RIN2: variants seen among roughly 807,000 people sequenced by gnomAD.
The protein encoded by RIN2 is RAB5 interacting protein 2.
A neutral mutation model predicts 78.0 loss-of-function variants in RIN2; 36 were observed. The ratio of observed to expected loss-of-function variants is 0.46; its 90% CI spans 0.35 to 0.61. RIN2 has a LOEUF of 0.61. Ranked by LOEUF, RIN2 falls within the 20% of genes least tolerant of loss-of-function variation. RIN2 has a pLI of 0.00. For missense variants in RIN2, 1,087 were observed against 1,159.7 expected (o/e 0.94, Z 0.91); for synonymous variants, 466 against 466.8 (o/e 1.00, Z 0.02).
At chr20:19,810,878 G>GTGT (rs1291054894) in intron 2 of RIN2, among the ~76,000 whole-genome samples, 2 of 135,412 alleles carry the variant, frequency 1.5e-5, no homozygotes, top group African/African-American at 5.3e-5. Context: ...GTGTGTGTGT[G>GTGT]TTTTTTTTTT....
At chr20:19,949,579 G>A (rs1483732578) in intron 4 of RIN2, among the ~76,000 whole-genome samples, 2 of 152,222 alleles carry the variant, frequency 1.3e-5, no homozygotes, top group African/African-American at 2.4e-5. Flanking sequence ...CAGTCAGTAA[G>A]TTTTGTCACA....
chr20:19,855,783 T>A (rs1482993633), intron 2 of RIN2, among the ~76,000 whole-genome samples: 1 of 151,966 alleles, frequency 6.6e-6, no homozygotes, highest in Non-Finnish European at 1.5e-5. Context: ...GAGACAAAAA[T>A]GAAACATCTT....
chr20:19,790,224 A>G (rs565274089), intron 1 of RIN2, among the ~76,000 whole-genome samples: 2 of 152,202 alleles, frequency 1.3e-5, no homozygotes, highest in East Asian at 3.9e-4. Flanking sequence ...AGAAACCTCA[A>G]TTTATTCAAA....
intron 2 of RIN2, among the ~76,000 whole-genome samples, chr20:19,822,976 A>G (rs1199687093): frequency 6.6e-6 from 1 of 152,192 alleles, no homozygotes; most frequent in Non-Finnish European, 1.5e-5. Context: ...CTAATAATAA[A>G]TAATCACTAG....
intron 3 of RIN2, among the ~76,000 whole-genome samples, chr20:19,912,669 G>T (rs939861344): frequency 2.0e-5 from 3 of 151,762 alleles, no homozygotes; most frequent in African/African-American, 7.3e-5. Context: ...AGTAGAGACG[G>T]GGTTTCACCA....
intron 1 of RIN2, among the ~76,000 whole-genome samples, chr20:19,792,326 T>TGA (rs2034912784): frequency 6.6e-6 from 1 of 152,218 alleles, no homozygotes; most frequent in African/African-American, 2.4e-5. Flanking sequence ...TATTCAAGTA[T>TGA]ATAACATGCT....
chr20:19,992,075 T>A, intron 10 of RIN2, 93 bp from the exon 11 acceptor site: 2 of 1,432,080 alleles, frequency 1.4e-6, no homozygotes, highest in Non-Finnish European at 1.9e-6. Flanking sequence ...CCCCCCAGAG[T>A]GACTCCTTGC....
intron 2 of RIN2, among the ~76,000 whole-genome samples, chr20:19,835,974 C>A (rs1036611280): frequency 6.6e-6 from 1 of 152,180 alleles, no homozygotes; most frequent in Non-Finnish European, 1.5e-5. Context: ...TGTGCTAGGA[C>A]CGGGACTGGC....
At position 19,858,914 on chromosome 20, in the gene RIN2, T is replaced by C. The variant is rs192450932; in HGVS notation, c.-36-30652T>C. ...AGGAGTTGGCAGGGGGCTCGGGACA[T>C]GCAGGGAGAAGGCGGGACTGCTGCA... On this transcript the variant is annotated intron_variant, in intron 2 of 12. Transcript: ENST00000255006. 1.5e-3 allele frequency among the ~76,000 whole-genome samples: 234 copies of C among 152,280 alleles called. 3 individuals are homozygous for C. Among genetic ancestry groups the C allele is most frequent in the African/African-American group, 5.6e-3 (231 of 41,544 alleles).
At chr20:19,895,785 CCA>C (rs1194269303) in intron 3 of RIN2, 3 of 152,216 alleles carry the variant, frequency 2.0e-5, no homozygotes, top group African/African-American at 7.2e-5. Flanking sequence ...CTCTCTGACA[CCA>C]CAAAGACTAG....
chr20:19,826,594 T>A (rs957476894), intron 2 of RIN2, among the ~76,000 whole-genome samples: 1 of 152,202 alleles, frequency 6.6e-6, no homozygotes, highest in African/African-American at 2.4e-5. Flanking sequence ...GGGAAGGCAG[T>A]ACATGAATGA....
intron 1 of RIN2, among the ~76,000 whole-genome samples, chr20:19,792,757 C>T (rs1206587162): frequency 6.6e-6 from 1 of 152,174 alleles, no homozygotes; most frequent in African/African-American, 2.4e-5. Context: ...ATTCTATTAC[C>T]CCTTCATTGG....
chr20:19,873,871 T>C (rs1252464499), intron 2 of RIN2, among the ~76,000 whole-genome samples: 1 of 152,224 alleles, frequency 6.6e-6, no homozygotes, highest in Non-Finnish European at 1.5e-5. Context: ...AAAATTTATT[T>C]GTGACTCCCA....
chr20:19,957,809 A>G (rs2041602380), intron 5 of RIN2, among the ~76,000 whole-genome samples: 1 of 152,258 alleles, frequency 6.6e-6, no homozygotes, highest in African/African-American at 2.4e-5. Context: ...TACCGTAGCC[A>G]CATTTTAAGT....
chr20:19,808,870 G>T (rs2035497619), intron 2 of RIN2, among the ~76,000 whole-genome samples: 1 of 152,216 alleles, frequency 6.6e-6, no homozygotes, highest in Non-Finnish European at 1.5e-5. Context: ...TGGCCTTTAT[G>T]GTCAGGAGAC....
At chr20:19,955,484 G>A (rs148290802) in intron 4 of RIN2, among the ~76,000 whole-genome samples, 16 of 152,106 alleles carry the variant, frequency 1.1e-4, no homozygotes, top group African/African-American at 3.6e-4. Context: ...CTACAGGTGC[G>A]CATGACCACA....
intron 2 of RIN2, among the ~76,000 whole-genome samples, chr20:19,835,002 G>C (rs2036368039): frequency 6.6e-6 from 1 of 150,408 alleles, no homozygotes; most frequent in African/African-American, 2.5e-5. Context: ...GAAAGAGAGA[G>C]AGAGAAAGAA....
At chr20:19,938,583 A>G (rs1189046985) in intron 4 of RIN2, among the ~76,000 whole-genome samples, 2 of 152,034 alleles carry the variant, frequency 1.3e-5, no homozygotes, top group African/African-American at 4.8e-5. Context: ...AACTTTGTAC[A>G]AGGTACTTTA....
In RIN2 at chr20:19,858,114, CTGTCT is replaced by C. The variant is rs2037220547; in HGVS notation, c.-36-31450_-36-31446del. ...GGTCCAACTCATCCCTTTTTATGGT[CTGTCT>C]TTTTTTAAAAAAAAATATTAAGATG... On this transcript the variant is annotated intron_variant, in intron 2 of 12. Transcript: ENST00000255006. 1.5e-4 allele frequency among the ~76,000 whole-genome samples: 21 copies of C among 139,946 alleles called. No homozygotes were observed. In the South Asian group the frequency reaches 4.5e-3, roughly 30 times the overall value. 91.8% of individuals were successfully genotyped at this position (139,946 alleles called of 152,430 possible). A position where few individuals can be genotyped will look rare whatever the true frequency, so the allele number is the denominator to read the frequency against.
Sources: gnomAD v4.1 joint callset for allele counts (sites outside exome capture counted in the v4.1 genomes callset) on GRCh38, gnomAD v4.1.1 for gene constraint, MANE v1.5 for transcripts, NCBI Gene and HGNC (gene_info 2026-07-23, HGNC 2026-07-21) for gene names.